TAB2: variants seen among roughly 807,000 people sequenced by gnomAD.
The protein encoded by TAB2 is TGF-beta activated kinase 1 (MAP3K7) binding protein 2.
TAB2 carries 3 observed loss-of-function variants against 65.0 expected under a neutral mutation model. The observed-to-expected ratio is 0.05, with a 90% CI of 0.02 to 0.12. The LOEUF is 0.12. TAB2 is among the 10% of genes least tolerant of loss of function. The pLI, the probability that TAB2 is intolerant of heterozygous loss-of-function variation, is 1.00. For missense variants in TAB2, 623 were observed against 840.3 expected, an observed-to-expected ratio of 0.74 and a Z score of 3.20; for synonymous variants, 298 against 285.1, an observed-to-expected ratio of 1.05 and a Z score of -0.46.
chr6:149,284,509 A>G (rs949441057), intron 1 of TAB2, among the ~76,000 whole-genome samples: 1 of 152,204 alleles, frequency 6.6e-6, no homozygotes, highest in Admixed American at 6.5e-5. Flanking sequence ...TCACGAGCAC[A>G]TATTACGTGC....
At chr6:149,255,092 C>T (rs1777987871) in intron 1 of TAB2, among the ~76,000 whole-genome samples, 1 of 152,158 alleles carries the variant, frequency 6.6e-6, no homozygotes, top group Non-Finnish European at 1.5e-5. Flanking sequence ...CCTTAAAATC[C>T]ATGTTGAAGC....
intron 1 of TAB2, among the ~76,000 whole-genome samples, chr6:149,367,432 A>G (rs1176098141): frequency 6.6e-6 from 1 of 152,146 alleles, no homozygotes; most frequent in Non-Finnish European, 1.5e-5. Flanking sequence ...TCTTTGAGAA[A>G]TCACCAGACT....
chr6:149,254,182 C>T (rs1173707304), intron 1 of TAB2, among the ~76,000 whole-genome samples: 2 of 151,134 alleles, frequency 1.3e-5, no homozygotes, highest in Non-Finnish European at 1.5e-5. Flanking sequence ...AAAAACAAAG[C>T]ATGCAGTTCT....
At chr6:149,319,627 G>A (rs1779370000) in intron 1 of TAB2, among the ~76,000 whole-genome samples, 1 of 152,152 alleles carries the variant, frequency 6.6e-6, no homozygotes, top group Admixed American at 6.5e-5. Flanking sequence ...ACTTCTGTTT[G>A]GGTTTTTCCC....
chr6:149,324,825 A>C (rs906506176), intron 1 of TAB2, among the ~76,000 whole-genome samples: 2 of 134,962 alleles, frequency 1.5e-5, no homozygotes, highest in South Asian at 2.3e-4. Context: ...GGAAAATATT[A>C]CTTTTTTTTT....
chr6:149,343,541 C>T (rs374378807), intron 1 of TAB2, among the ~76,000 whole-genome samples: 9 of 151,842 alleles, frequency 5.9e-5, no homozygotes, highest in African/African-American at 9.7e-5. Flanking sequence ...TGGATAGAAC[C>T]GAGCAATGTA....
intron 1 of TAB2, among the ~76,000 whole-genome samples, chr6:149,251,844 C>T (rs1475478887): frequency 6.6e-6 from 1 of 152,204 alleles, no homozygotes; most frequent in African/African-American, 2.4e-5. Context: ...TCTAGAAAAT[C>T]ATTGTACTAC....
At chr6:149,388,865 C>T (rs536210801) in intron 3 of TAB2, among the ~76,000 whole-genome samples, 1 of 152,032 alleles carries the variant, frequency 6.6e-6, no homozygotes, top group Admixed American at 6.5e-5. Context: ...TCAGACTTCT[C>T]AGAATTTCCT....
intron 1 of TAB2, among the ~76,000 whole-genome samples, chr6:149,268,994 C>T (rs899673406): frequency 1.8e-4 from 28 of 152,294 alleles, no homozygotes; most frequent in African/African-American, 5.5e-4. Flanking sequence ...GTACAAGGGG[C>T]TCCTGCTGTG....
intron 1 of TAB2, among the ~76,000 whole-genome samples, chr6:149,256,021 T>A (rs1346169195): frequency 2.6e-5 from 4 of 152,190 alleles, no homozygotes; most frequent in African/African-American, 7.2e-5. Context: ...CCTTCCACCC[T>A]GCTAGCAGGG....
intron 1 of TAB2, among the ~76,000 whole-genome samples, chr6:149,301,072 T>C (rs1473539784): frequency 6.6e-6 from 1 of 152,234 alleles, no homozygotes; most frequent in African/African-American, 2.4e-5. Context: ...GGAATTATCA[T>C]GAACTAGGCT....
chr6:149,249,480 GTCTC>G (rs969339174), intron 1 of TAB2, among the ~76,000 whole-genome samples: 33 of 150,592 alleles, frequency 2.2e-4, no homozygotes, highest in African/African-American at 7.6e-4. Flanking sequence ...CTTTCTCTCT[GTCTC>G]TCTCTGTCTC....
intron 1 of TAB2, among the ~76,000 whole-genome samples, chr6:149,302,978 A>C (rs1455022426): frequency 6.6e-6 from 1 of 152,250 alleles, no homozygotes; most frequent in Non-Finnish European, 1.5e-5. Flanking sequence ...CAGTGGTAGC[A>C]TTAAATTCTT....
intron 2 of TAB2, among the ~76,000 whole-genome samples, chr6:149,370,404 G>T (rs1158757728): frequency 6.6e-6 from 1 of 152,106 alleles, no homozygotes; most frequent in East Asian, 1.9e-4. Flanking sequence ...CACCTGTTCT[G>T]CCAGGAGAGC....
chr6:149,278,591 G>T (rs141722083), intron 1 of TAB2, among the ~76,000 whole-genome samples: 1 of 152,166 alleles, frequency 6.6e-6, no homozygotes, highest in African/African-American at 2.4e-5. Context: ...CTAAGATTCC[G>T]ATAAGCCAAA....
At chr6:149,360,698 A>C (rs937978884) in intron 1 of TAB2, among the ~76,000 whole-genome samples, 7 of 152,158 alleles carry the variant, frequency 4.6e-5, no homozygotes, top group African/African-American at 1.7e-4. Context: ...TAGTCCTCCA[A>C]AAGTTTCAGC....
At chr6:149,387,343 C>T (rs1263836106) in intron 3 of TAB2, among the ~76,000 whole-genome samples, 1 of 152,136 alleles carries the variant, frequency 6.6e-6, no homozygotes, top group Non-Finnish European at 1.5e-5. Flanking sequence ...ATCCAAGTAT[C>T]CCAGCACCAT....
At chr6:149,303,028 G>C (rs1778996662) in intron 1 of TAB2, among the ~76,000 whole-genome samples, 2 of 152,218 alleles carry the variant, frequency 1.3e-5, no homozygotes, top group Admixed American at 1.3e-4. Flanking sequence ...GCATGCAGGG[G>C]ATCTAGGTTG....
intron 1 of TAB2, among the ~76,000 whole-genome samples, chr6:149,323,520 G>A (rs551364133): frequency 5.3e-5 from 8 of 152,204 alleles, no homozygotes; most frequent in Non-Finnish European, 8.8e-5. Context: ...TTACATTTCT[G>A]TGATACAGGA....
Sources: allele counts gnomAD v4.1 joint callset (sites outside exome capture counted in the v4.1 genomes callset), GRCh38; gene constraint gnomAD v4.1.1; transcripts MANE v1.5; gene names NCBI Gene and HGNC (gene_info 2026-07-23, HGNC 2026-07-21).